Variants in JAM2 observed in about 807,000 individuals in gnomAD.
The protein encoded by JAM2 is junctional adhesion molecule B.
JAM2 carries 17 observed loss-of-function variants against 42.0 expected under a neutral mutation model. The observed-to-expected ratio is 0.40, with a 90% confidence interval of 0.28 to 0.61. The LOEUF (loss-of-function observed/expected upper bound fraction) is 0.61. Ranked by LOEUF, JAM2 falls within the 20% of genes least tolerant of loss-of-function variation. The pLI, the probability that JAM2 is intolerant of heterozygous loss-of-function variation, is 0.37. For missense variants in JAM2, 319 were observed against 358.3 expected, an observed-to-expected ratio of 0.89 and a Z score of 0.89; for synonymous variants, 118 against 128.6, an observed-to-expected ratio of 0.92 and a Z score of 0.56.
At chr21:25,670,810 A>AG (rs1390659949) in intron 1 of JAM2, among the ~76,000 whole-genome samples, 1 of 152,240 alleles carries the variant, frequency 6.6e-6, no homozygotes, top group Non-Finnish European at 1.5e-5. Flanking sequence ...ACAATTGTGA[A>AG]TATGACAGTT....
rs1434045120 is a variant in JAM2, at chr21:25,702,323, C to T, written c.697+54C>T. 3.5e-6 allele frequency: 4 copies of T among 1,134,186 alleles called. No homozygotes were observed. The African/African-American group carries it at 4.5e-5, about 13-fold the overall frequency. The allele number at this position is 1,134,186 out of a possible 1,614,324, so 70.3% of individuals were successfully genotyped here. A position where few individuals can be genotyped will look rare whatever the true frequency, so the allele number is the denominator to read the frequency against. ...TGGTTTGCAATTCGACTGTGAAGTACAGCAGTTGGGGGTACAAGGAGCAAG... is the reference window on the plus strand; with the variant it reads ...TGGTTTGCAATTCGACTGTGAAGTATAGCAGTTGGGGGTACAAGGAGCAAG... On this transcript the variant is annotated intron_variant, in intron 6 of 9. Transcript: ENST00000480456.
intron 1 of JAM2, among the ~76,000 whole-genome samples, chr21:25,676,478 A>T (rs1210733332): frequency 1.3e-5 from 2 of 152,200 alleles, no homozygotes; most frequent in Non-Finnish European, 2.9e-5. Context: ...TAGAGAATAC[A>T]AAAACTTTTG....
At chr21:25,657,719 G>A (rs1438009424) in intron 1 of JAM2, among the ~76,000 whole-genome samples, 3 of 152,082 alleles carry the variant, frequency 2.0e-5, no homozygotes, top group African/African-American at 7.2e-5. Flanking sequence ...AAATGAAAGG[G>A]TTTGATTTAA....
chr21:25,693,889 A>C lies in JAM2; in HGVS notation c.375A>C (p.Thr125=). 6.2e-7 allele frequency: 1 copy of C among 1,614,186 alleles called. No homozygotes were observed. The highest frequency in any genetic ancestry group is 1.6e-4 in the Middle Eastern group (1 of 6,062). ...SEQGQNLEED[T]VTLEVLVAPA... Reference sequence around the variant, plus strand: ...AAGGCCAAAACCTGGAAGAGGATACAGTCACTCTGGAAGTATTAGGTGATG... The same window carrying C: ...AAGGCCAAAACCTGGAAGAGGATACCGTCACTCTGGAAGTATTAGGTGATG... The change falls in exon 4 of 10, where the codon ACA becomes ACC. Residue 125 remains threonine, a synonymous_variant. Coordinates refer to ENST00000480456, the MANE Select transcript of JAM2 (RefSeq NM_021219.4).
intron 4 of JAM2, among the ~76,000 whole-genome samples, chr21:25,695,424 A>G (rs77523221): frequency 1.3e-5 from 2 of 152,070 alleles, no homozygotes; most frequent in East Asian, 3.8e-4. Context: ...TTTTCCCCAC[A>G]TTTCCCCCTT....
At chr21:25,702,530 A>G (rs893307087) in intron 6 of JAM2, among the ~76,000 whole-genome samples, 1 of 152,236 alleles carries the variant, frequency 6.6e-6, no homozygotes, top group Non-Finnish European at 1.5e-5. Context: ...TTTTTAAAAT[A>G]CATTCTTCTA....
At chr21:25,662,986 G>T (rs2033128048) in intron 1 of JAM2, among the ~76,000 whole-genome samples, 2 of 152,204 alleles carry the variant, frequency 1.3e-5, no homozygotes, top group East Asian at 3.8e-4. Flanking sequence ...AGATAGAGAA[G>T]GTTTGACTCT....
intron 6 of JAM2, among the ~76,000 whole-genome samples, chr21:25,705,565 T>G (rs1020980001): frequency 6.6e-6 from 1 of 152,192 alleles, no homozygotes; most frequent in African/African-American, 2.4e-5. Flanking sequence ...CGTTGAGTTT[T>G]TCTTTATTTG....
At chr21:25,698,617 A>T (rs763175065) in intron 4 of JAM2, 60 bp from the exon 5 acceptor site, 368 of 1,449,462 alleles carry the variant, frequency 2.5e-4, no homozygotes, top group Non-Finnish European at 3.2e-4. Flanking sequence ...AGCTTTGAAG[A>T]AAATAAACAA....
At chr21:25,644,578 T>C (rs191821959) in intron 1 of JAM2, among the ~76,000 whole-genome samples, 3 of 152,382 alleles carry the variant, frequency 2.0e-5, no homozygotes, top group Non-Finnish European at 2.9e-5. Context: ...CCTGAGTAAC[T>C]CTGGATAATT....
In JAM2 at chr21:25,647,478, A is replaced by G. The variant is rs184392951; in HGVS notation, c.67+7590A>G. Among the ~76,000 whole-genome samples the G allele has an allele frequency of 2.6e-5, 4 of 152,352 alleles. No homozygotes were observed. In the East Asian group the frequency reaches 7.7e-4, roughly 29 times the overall value. ...TATATAGTGTTGTGCACCTTGCTCC[A>G]AAAAGTTATTTATGTTAGTAATTAA... On this transcript the variant is annotated intron_variant, in intron 1 of 9. Coordinates refer to ENST00000480456, the MANE Select transcript of JAM2 (RefSeq NM_021219.4).
At chr21:25,650,062 A>G (rs1451445820) in intron 1 of JAM2, among the ~76,000 whole-genome samples, 1 of 152,212 alleles carries the variant, frequency 6.6e-6, no homozygotes, top group Admixed American at 6.5e-5. Context: ...ACCCAGTCCT[A>G]TGAGAATGGG....
intron 1 of JAM2, among the ~76,000 whole-genome samples, chr21:25,653,122 C>T (rs1188923876): frequency 1.3e-5 from 2 of 152,188 alleles, no homozygotes; most frequent in Non-Finnish European, 2.9e-5. Flanking sequence ...GGTCAAAGCA[C>T]ATCACGTGGC....
intron 8 of JAM2, chr21:25,711,543 T>C (rs1228025866): frequency 2.6e-6 from 1 of 389,202 alleles, no homozygotes; most frequent in Non-Finnish European, 5.0e-6. Flanking sequence ...CCCAGATTTC[T>C]GGCTCAATCC....
chr21:25,700,796 A>G (rs984745521), intron 5 of JAM2, among the ~76,000 whole-genome samples: 1 of 152,274 alleles, frequency 6.6e-6, no homozygotes. Context: ...AGCCTATTGG[A>G]TGCAGTTACT....
At chr21:25,646,283 G>T (rs1568885532) in intron 1 of JAM2, among the ~76,000 whole-genome samples, 1 of 152,142 alleles carries the variant, frequency 6.6e-6, no homozygotes, top group East Asian at 1.9e-4. Flanking sequence ...ATGGCTCTTT[G>T]GTTTTTAAGG....
chr21:25,701,257 T>C (rs1269102534), intron 5 of JAM2, among the ~76,000 whole-genome samples: 1 of 152,182 alleles, frequency 6.6e-6, no homozygotes, highest in African/African-American at 2.4e-5. Flanking sequence ...GATGATTCCA[T>C]AGAGTGGAAA....
chr21:25,651,208 T>C (rs1217163009), intron 1 of JAM2, among the ~76,000 whole-genome samples: 2 of 152,108 alleles, frequency 1.3e-5, no homozygotes, highest in Non-Finnish European at 2.9e-5. Flanking sequence ...ATTTGTAAGT[T>C]ACATCTCTGA....
chr21:25,710,652 C>G (rs890263151), intron 8 of JAM2, among the ~76,000 whole-genome samples: 1 of 152,060 alleles, frequency 6.6e-6, no homozygotes, highest in Non-Finnish European at 1.5e-5. Context: ...GGGATGTCAG[C>G]GGGACCAGGG....
Sources: allele counts gnomAD v4.1 joint callset (sites outside exome capture counted in the v4.1 genomes callset), GRCh38; gene constraint gnomAD v4.1.1; transcripts MANE v1.5; gene names NCBI Gene and HGNC (gene_info 2026-07-23, HGNC 2026-07-21).